RBFOX1: variants seen among roughly 807,000 people sequenced by gnomAD.
RBFOX1 encodes the protein RNA binding fox-1 homolog 1.
A neutral mutation model predicts 57.7 loss-of-function variants in RBFOX1; 8 were observed. That is an observed-to-expected ratio of 0.14 (90% CI 0.08 to 0.25). RBFOX1 has a LOEUF of 0.25. Ranked by LOEUF, RBFOX1 falls within the 10% of genes least tolerant of loss-of-function variation. The pLI is 1.00. For missense variants in RBFOX1, 611 were observed against 548.5 expected, an observed-to-expected ratio of 1.11 and a Z score of -1.14; for synonymous variants, 326 against 222.4, an observed-to-expected ratio of 1.47 and a Z score of -4.15.
intron 2 of RBFOX1, chr16:6,483,873 T>C (rs2095416709): frequency 5.1e-6 from 6 of 1,186,184 alleles, no homozygotes; most frequent in East Asian, 4.3e-5. Context: ...AAACCGGAGA[T>C]GGAAGGATGA....
intron 4 of RBFOX1, among the ~76,000 whole-genome samples, chr16:6,013,760 T>A (rs185565910): frequency 2.6e-5 from 4 of 152,290 alleles, no homozygotes; most frequent in Non-Finnish European, 4.4e-5. Context: ...TAATCCAGTC[T>A]ATCATTGTTG....
At chr16:7,678,842 G>C (rs1393180159) in intron 14 of RBFOX1, among the ~76,000 whole-genome samples, 1 of 152,152 alleles carries the variant, frequency 6.6e-6, no homozygotes, top group Non-Finnish European at 1.5e-5. Flanking sequence ...TTGGCAACAT[G>C]TCCCACTGAA....
At chr16:6,396,244 G>A (rs2088883950) in intron 2 of RBFOX1, among the ~76,000 whole-genome samples, 1 of 151,954 alleles carries the variant, frequency 6.6e-6, no homozygotes, top group Admixed American at 6.6e-5. Flanking sequence ...GAAATTGAAG[G>A]GGCTTTGACC....
At chr16:6,106,775 C>T (rs1238662900) in intron 1 of RBFOX1, among the ~76,000 whole-genome samples, 1 of 152,164 alleles carries the variant, frequency 6.6e-6, no homozygotes, top group African/African-American at 2.4e-5. Flanking sequence ...TCATGCCATC[C>T]TTCTGCCTCA....
At chr16:7,596,642 C>G (rs1034108357) in intron 8 of RBFOX1, among the ~76,000 whole-genome samples, 11 of 152,004 alleles carry the variant, frequency 7.2e-5, no homozygotes, top group African/African-American at 2.7e-4. Context: ...TTTCTTGATG[C>G]TCTATTTTTT....
intron 2 of RBFOX1, among the ~76,000 whole-genome samples, chr16:6,554,815 GACAC>G (rs765624760): frequency 0.074 from 11,072 of 150,486 alleles, 941 homozygotes; most frequent in African/African-American, 0.21. Flanking sequence ...TAAACACACA[GACAC>G]ACAGACACAC....
chr16:6,762,135 C>T (rs1015943079), intron 3 of RBFOX1, among the ~76,000 whole-genome samples: 2 of 152,104 alleles, frequency 1.3e-5, no homozygotes, highest in African/African-American at 2.4e-5. Flanking sequence ...TTTCTGCTAC[C>T]TCTGTCTTCT....
chr16:7,006,087 C>G (rs1055730774), intron 3 of RBFOX1, among the ~76,000 whole-genome samples: 2 of 152,180 alleles, frequency 1.3e-5, no homozygotes, highest in Non-Finnish European at 2.9e-5. Flanking sequence ...CTACTTTGTT[C>G]AAATACAGGT....
intron 4 of RBFOX1, among the ~76,000 whole-genome samples, chr16:7,133,265 A>G (rs1196334258): frequency 6.6e-6 from 1 of 152,194 alleles, no homozygotes; most frequent in Non-Finnish European, 1.5e-5. Context: ...TTTGAACAAG[A>G]TATTGTTTTG....
intron 4 of RBFOX1, among the ~76,000 whole-genome samples, chr16:7,422,206 G>T (rs930100790): frequency 6.6e-6 from 1 of 152,144 alleles, no homozygotes; most frequent in Non-Finnish European, 1.5e-5. Flanking sequence ...CACTTGGATA[G>T]AACTGCCTCT....
intron 3 of RBFOX1, among the ~76,000 whole-genome samples, chr16:5,646,607 G>C (rs542978782): frequency 6.6e-6 from 1 of 152,170 alleles, no homozygotes; most frequent in East Asian, 1.9e-4. Flanking sequence ...GGGCATGGCA[G>C]GGGTCTGGGC....
At chr16:6,541,785 C>G (rs556916569) in intron 2 of RBFOX1, among the ~76,000 whole-genome samples, 12 of 152,180 alleles carry the variant, frequency 7.9e-5, no homozygotes, top group African/African-American at 1.7e-4. Flanking sequence ...AATATGAGGA[C>G]TAGACCCTAG....
chr16:5,511,856 C>T (rs142242225), intron 2 of RBFOX1, among the ~76,000 whole-genome samples: 1 of 152,330 alleles, frequency 6.6e-6, no homozygotes, highest in East Asian at 1.9e-4. Flanking sequence ...TGAGTTGTCA[C>T]TCCCCAGCAG....
At chr16:5,852,297 C>A (rs1050965545) in intron 3 of RBFOX1, among the ~76,000 whole-genome samples, 1 of 152,150 alleles carries the variant, frequency 6.6e-6, no homozygotes, top group Non-Finnish European at 1.5e-5. Flanking sequence ...TGAGATGTGG[C>A]TTTTGAAGCA....
intron 4 of RBFOX1, among the ~76,000 whole-genome samples, chr16:7,377,997 T>G (rs7191169): frequency 6.6e-6 from 1 of 152,128 alleles, no homozygotes; most frequent in Non-Finnish European, 1.5e-5. Flanking sequence ...GGGAACAGAA[T>G]GTGCAAAGTC....
chr16:6,672,099 G>T (rs936486840), intron 3 of RBFOX1, among the ~76,000 whole-genome samples: 1 of 152,260 alleles, frequency 6.6e-6, no homozygotes, highest in Non-Finnish European at 1.5e-5. Context: ...AAAGACCGTA[G>T]GTCCATCTCA....
At chr16:6,856,354 C>T (rs1215652458) in intron 3 of RBFOX1, among the ~76,000 whole-genome samples, 1 of 152,096 alleles carries the variant, frequency 6.6e-6, no homozygotes, top group Non-Finnish European at 1.5e-5. Context: ...TTCTGAGTAA[C>T]TAGGATGATG....
chr16:6,628,562 G>A (rs564696455), intron 2 of RBFOX1, among the ~76,000 whole-genome samples: 3 of 151,968 alleles, frequency 2.0e-5, no homozygotes, highest in Non-Finnish European at 4.4e-5. Flanking sequence ...ACCTCATTTT[G>A]TTTTTTTATG....
At chr16:7,186,531 A>G (rs1295955718) in intron 4 of RBFOX1, among the ~76,000 whole-genome samples, 2 of 133,480 alleles carry the variant, frequency 1.5e-5, no homozygotes, top group African/African-American at 5.8e-5. Flanking sequence ...TATAAATATA[A>G]GCATAAACAT....
Sources: allele counts gnomAD v4.1 joint callset (sites outside exome capture counted in the v4.1 genomes callset), GRCh38; gene constraint gnomAD v4.1.1; transcripts MANE v1.5; gene names NCBI Gene and HGNC (gene_info 2026-07-23, HGNC 2026-07-21).